JAK2: variants seen among roughly 807,000 people sequenced by gnomAD.
JAK2 encodes the protein tyrosine-protein kinase JAK2.
Under a neutral mutation model 139.3 loss-of-function variants are expected in JAK2, and 86 were observed. That is an observed-to-expected ratio of 0.62 (90% confidence interval 0.52 to 0.74). JAK2 has a LOEUF of 0.74. Among genes scored for constraint, JAK2 ranks in the 30% least tolerant of loss-of-function variants. JAK2 has a pLI of 0.00. For missense variants in JAK2, 1,421 were observed against 1,360.3 expected (o/e 1.04, Z -0.70); for synonymous variants, 490 against 437.7 (o/e 1.12, Z -1.49).
intron 23 of JAK2, among the ~76,000 whole-genome samples, chr9:5,123,389 T>C (rs1031991744): frequency 6.6e-6 from 1 of 151,988 alleles, no homozygotes; most frequent in Non-Finnish European, 1.5e-5. Context: ...AGCTCCCGCT[T>C]ATAAGTGAAA....
chr9:5,084,198 G>A (rs1487187078), intron 19 of JAK2, among the ~76,000 whole-genome samples: 1 of 152,094 alleles, frequency 6.6e-6, no homozygotes, highest in Non-Finnish European at 1.5e-5. Context: ...TAGTTTGTAG[G>A]AAATGAAAGG....
chr9:5,004,899 T>C (rs1821177492), intron 2 of JAK2, among the ~76,000 whole-genome samples: 1 of 151,278 alleles, frequency 6.6e-6, no homozygotes. Context: ...CATGAACATG[T>C]TGGCCATTTA....
chr9:5,013,908 C>A (rs1443362457), intron 2 of JAK2, among the ~76,000 whole-genome samples: 1 of 151,998 alleles, frequency 6.6e-6, no homozygotes, highest in Admixed American at 6.6e-5. Flanking sequence ...ATTCATTTGT[C>A]ATGTAAGTAG....
intron 2 of JAK2, among the ~76,000 whole-genome samples, chr9:4,991,038 A>G (rs1023123437): frequency 6.6e-6 from 1 of 152,174 alleles, no homozygotes; most frequent in Non-Finnish European, 1.5e-5. Flanking sequence ...TTTCTGAATG[A>G]TAGAAGGTTA....
intron 7 of JAK2, among the ~76,000 whole-genome samples, chr9:5,055,325 T>C (rs1367019416): frequency 6.6e-6 from 1 of 152,038 alleles, no homozygotes; most frequent in Non-Finnish European, 1.5e-5. Flanking sequence ...TGTTCATAGA[T>C]TGTTACTAGA....
chr9:5,010,425 A>T (rs536213643), intron 2 of JAK2, among the ~76,000 whole-genome samples: 4 of 151,850 alleles, frequency 2.6e-5, no homozygotes, highest in African/African-American at 7.3e-5. Context: ...GGTTCAAGCA[A>T]TTCTCCTGCC....
chr9:5,043,872 T>C (rs1177348479), intron 4 of JAK2, among the ~76,000 whole-genome samples: 6 of 152,218 alleles, frequency 3.9e-5, no homozygotes, highest in Non-Finnish European at 2.9e-5. Context: ...TAAAATTAGA[T>C]TGTGATATTT....
intron 4 of JAK2, among the ~76,000 whole-genome samples, chr9:5,035,884 A>G (rs1242478657): frequency 6.6e-6 from 1 of 152,252 alleles, no homozygotes; most frequent in African/African-American, 2.4e-5. Context: ...TGGCCAGGGC[A>G]GTCAGGCTGG....
intron 8 of JAK2, among the ~76,000 whole-genome samples, chr9:5,059,186 T>C (rs1423070078): frequency 6.6e-6 from 1 of 152,194 alleles, no homozygotes; most frequent in Non-Finnish European, 1.5e-5. Context: ...AACAGAATAG[T>C]TCTCTTACTC....
At position 5,077,590 on chromosome 9, in the gene JAK2, A is replaced by G. The variant is rs13293328; in HGVS notation, c.1992+10A>G. 95 of 1,459,334 alleles carry G rather than the reference A, an allele frequency of 6.5e-5. 1 individual carries two copies. The South Asian group carries it at 1.4e-3, about 22-fold the overall frequency. 90.4% of individuals were successfully genotyped at this position (1,459,334 alleles called of 1,614,324 possible). A position where few individuals can be genotyped will look rare whatever the true frequency, so the allele number is the denominator to read the frequency against. On this transcript the variant is annotated intron_variant, in intron 15 of 24. Transcript: ENST00000381652. Reference sequence around the variant, plus strand: ...GGCCATGCATTTTCTAGTAAGTAGTACAACCTTTTTATCAAAAGATACTAT... The same window carrying G: ...GGCCATGCATTTTCTAGTAAGTAGTGCAACCTTTTTATCAAAAGATACTAT...
At chr9:5,019,426 T>C (rs1319543277) in intron 2 of JAK2, among the ~76,000 whole-genome samples, 2 of 152,146 alleles carry the variant, frequency 1.3e-5, no homozygotes, top group Non-Finnish European at 2.9e-5. Flanking sequence ...CTCATTGATA[T>C]CCTGAGTTGT....
intron 22 of JAK2, among the ~76,000 whole-genome samples, chr9:5,102,858 ATTACC>A (rs1821620051): frequency 6.6e-6 from 1 of 152,188 alleles, no homozygotes. Flanking sequence ...AGATTTTGTC[ATTACC>A]AGGCCTGCCT....
chr9:5,085,371 A>T, intron 19 of JAK2: 1 of 901,692 alleles, frequency 1.1e-6, no homozygotes. Context: ...AGGTGATCTC[A>T]TGCACCACTG....
intron 4 of JAK2, chr9:5,040,878 G>C (rs1414426863): frequency 1.1e-5 from 3 of 276,266 alleles, no homozygotes; most frequent in South Asian, 6.3e-5. Context: ...GCGCGGATCC[G>C]CGCCGCGCTG....
chr9:5,055,938 A>G (rs999572123), intron 8 of JAK2, 150 bp downstream of exon 8: 5 of 639,856 alleles, frequency 7.8e-6, no homozygotes, highest in African/African-American at 7.4e-5. Context: ...AAACTTTTTG[A>G]TAACATCTAG....
chr9:5,001,041 T>C (rs1383623700), intron 2 of JAK2, among the ~76,000 whole-genome samples: 1 of 152,222 alleles, frequency 6.6e-6, no homozygotes, highest in Non-Finnish European at 1.5e-5. Context: ...TTGGTTTTGT[T>C]TATTTTGTGA....
intron 8 of JAK2, among the ~76,000 whole-genome samples, chr9:5,062,623 G>A (rs1460064966): frequency 6.6e-6 from 1 of 150,754 alleles, no homozygotes; most frequent in Non-Finnish European, 1.5e-5. Flanking sequence ...TGAACTGCTA[G>A]TTCAAAGGGT....
intron 22 of JAK2, chr9:5,112,485 C>G: frequency 1.8e-6 from 1 of 553,680 alleles, no homozygotes; most frequent in South Asian, 2.4e-5. Context: ...CCAGCCCAGA[C>G]AAGGACGAGG....
chr9:5,084,379 A>C (rs936726567), intron 19 of JAK2, among the ~76,000 whole-genome samples: 5 of 152,176 alleles, frequency 3.3e-5, no homozygotes, highest in Non-Finnish European at 7.4e-5. Context: ...TGCCATTCCT[A>C]CAAAAATGAT....
Sources: gnomAD v4.1 joint callset for allele counts (sites outside exome capture counted in the v4.1 genomes callset) on GRCh38, gnomAD v4.1.1 for gene constraint, MANE v1.5 for transcripts, NCBI Gene and HGNC (gene_info 2026-07-23, HGNC 2026-07-21) for gene names.